ESRRG: variants seen among roughly 807,000 people sequenced by gnomAD.
ESRRG encodes the protein estrogen-related receptor gamma.
ESRRG carries 13 observed loss-of-function variants against 44.0 expected under a neutral mutation model. That is an observed-to-expected ratio of 0.30 (90% confidence interval 0.19 to 0.47). The LOEUF (loss-of-function observed/expected upper bound fraction) is 0.47. Among genes scored for constraint, ESRRG ranks in the 20% least tolerant of loss-of-function variants. The pLI is 1.00. For missense variants in ESRRG, 395 were observed against 580.6 expected (o/e 0.68, Z 3.29); for synonymous variants, 215 against 214.6 (o/e 1.00, Z -0.02).
intron 1 of ESRRG, among the ~76,000 whole-genome samples, chr1:217,110,008 C>T (rs1251877357): frequency 6.6e-6 from 1 of 152,112 alleles, no homozygotes; most frequent in Admixed American, 6.5e-5. Context: ...TAATTCTAAG[C>T]CCATCTGCCT....
At chr1:217,048,381 G>A (rs1376195894) in intron 1 of ESRRG, among the ~76,000 whole-genome samples, 1 of 152,160 alleles carries the variant, frequency 6.6e-6, no homozygotes, top group African/African-American at 2.4e-5. Flanking sequence ...GGTGCAACGA[G>A]GCAGCAGAGG....
intron 5 of ESRRG, among the ~76,000 whole-genome samples, chr1:216,554,135 T>C (rs1425646386): frequency 6.6e-6 from 1 of 152,036 alleles, no homozygotes; most frequent in Non-Finnish European, 1.5e-5. Context: ...TCTAGTGCTG[T>C]GGACACACTT....
intron 3 of ESRRG, among the ~76,000 whole-genome samples, chr1:216,571,323 AT>A (rs2060756469): frequency 6.6e-6 from 1 of 152,058 alleles, no homozygotes; most frequent in African/African-American, 2.4e-5. Flanking sequence ...GGCACCTGTA[AT>A]CCCAGGTACT....
At chr1:217,004,769 C>T (rs901827712) in intron 1 of ESRRG, among the ~76,000 whole-genome samples, 23 of 152,176 alleles carry the variant, frequency 1.5e-4, no homozygotes, top group African/African-American at 5.5e-4. Context: ...AATGATGCTG[C>T]TTGACACATT....
chr1:216,841,751 G>A, intron 2 of ESRRG, among the ~76,000 whole-genome samples: 1 of 152,238 alleles, frequency 6.6e-6, no homozygotes, highest in East Asian at 1.9e-4. Context: ...CAAGTGTCTG[G>A]TTCTAACATA....
At chr1:216,882,113 A>G (rs1251422114) in intron 2 of ESRRG, among the ~76,000 whole-genome samples, 1 of 152,162 alleles carries the variant, frequency 6.6e-6, no homozygotes, top group African/African-American at 2.4e-5. Context: ...GCAGGTGGGC[A>G]TTATAATTAT....
chr1:216,790,739 C>G (rs908197160), intron 2 of ESRRG, among the ~76,000 whole-genome samples: 1 of 152,084 alleles, frequency 6.6e-6, no homozygotes, highest in Non-Finnish European at 1.5e-5. Flanking sequence ...GTAAAAAAGA[C>G]TTGAAAATAA....
chr1:216,707,495 C>G, intron 1 of ESRRG: 1 of 1,525,540 alleles, frequency 6.6e-7, no homozygotes, highest in Non-Finnish European at 8.8e-7. Flanking sequence ...TTCTAAAAAG[C>G]CAAAACCAGA....
chr1:216,960,529 T>C (rs529133695), intron 1 of ESRRG, among the ~76,000 whole-genome samples: 2 of 152,284 alleles, frequency 1.3e-5, no homozygotes, highest in South Asian at 4.1e-4. Flanking sequence ...TAGTCCTCTC[T>C]GGTTGTTTTT....
At chr1:216,692,312 ATG>A (rs56856888) in intron 1 of ESRRG, among the ~76,000 whole-genome samples, 3,852 of 147,634 alleles carry the variant, frequency 0.026, 78 homozygotes, top group East Asian at 0.062. Flanking sequence ...AGGCTAGTGT[ATG>A]TGTGTGTGTG....
At chr1:216,840,408 GTGGC>G (rs1188713986) in intron 2 of ESRRG, among the ~76,000 whole-genome samples, 1 of 152,190 alleles carries the variant, frequency 6.6e-6, no homozygotes, top group Non-Finnish European at 1.5e-5. Flanking sequence ...AGGGAATGTT[GTGGC>G]TGGTTTGATC....
At chr1:216,694,867 G>C (rs2079815540) in intron 1 of ESRRG, among the ~76,000 whole-genome samples, 1 of 151,980 alleles carries the variant, frequency 6.6e-6, no homozygotes, top group Non-Finnish European at 1.5e-5. Context: ...CCCATTTTTT[G>C]TTTCTGTTAA....
chr1:216,991,851 A>G (rs9441614), intron 1 of ESRRG, among the ~76,000 whole-genome samples: 1 of 152,238 alleles, frequency 6.6e-6, no homozygotes, highest in East Asian at 1.9e-4. Flanking sequence ...CCCTAGAAAG[A>G]AATTTCCAGG....
intron 1 of ESRRG, among the ~76,000 whole-genome samples, chr1:217,005,404 C>G (rs2077599442): frequency 6.6e-6 from 1 of 152,086 alleles, no homozygotes; most frequent in Non-Finnish European, 1.5e-5. Flanking sequence ...GAGGTTTGCC[C>G]ATGACAACTA....
chr1:216,550,679 C>T (rs143588610), intron 5 of ESRRG, among the ~76,000 whole-genome samples: 2 of 152,202 alleles, frequency 1.3e-5, no homozygotes, highest in African/African-American at 4.8e-5. Flanking sequence ...ACAACCTTAA[C>T]AATCTTGAGA....
rs147210167 is a variant in ESRRG, at chr1:216,541,957, C to T, written c.862+22262G>A. ...TGGGATTTTCATTCTGGCCATACTT[C>T]GGGAGCCGAGCCCAAGACGTTCCCT... On this transcript the variant is annotated intron_variant, in intron 5 of 6. Transcript: ENST00000408911. Among the ~76,000 whole-genome samples the T allele has an allele frequency of 5.7e-4, 87 of 151,862 alleles. No homozygotes were observed. In the East Asian group the frequency reaches 0.016, roughly 28 times the overall value.
chr1:216,591,437 G>T (rs977941755), intron 3 of ESRRG, among the ~76,000 whole-genome samples: 1 of 152,188 alleles, frequency 6.6e-6, no homozygotes, highest in Non-Finnish European at 1.5e-5. Flanking sequence ...TAGTAGCATT[G>T]TAGATAGCAT....
At chr1:216,616,747 T>C (rs1319089939) in intron 3 of ESRRG, among the ~76,000 whole-genome samples, 1 of 152,222 alleles carries the variant, frequency 6.6e-6, no homozygotes, top group Non-Finnish European at 1.5e-5. Context: ...CTGCTTTTGA[T>C]GTAGATTCTC....
intron 2 of ESRRG, among the ~76,000 whole-genome samples, chr1:216,900,959 G>T (rs1206776697): frequency 2.6e-5 from 4 of 152,152 alleles, no homozygotes; most frequent in African/African-American, 9.7e-5. Flanking sequence ...CATGCAGGGA[G>T]CCCAAATTTC....
Sources: gnomAD v4.1 joint callset for allele counts (sites outside exome capture counted in the v4.1 genomes callset) on GRCh38, gnomAD v4.1.1 for gene constraint, MANE v1.5 for transcripts, NCBI Gene and HGNC (gene_info 2026-07-23, HGNC 2026-07-21) for gene names.